The following SSX1 variants were observed in gnomAD, a reference collection of about 807,000 sequenced individuals.
SSX1 encodes SSX family member 1.
In SSX1, 58 loss-of-function variants were observed where a neutral mutation model predicts 14.6. That is an observed-to-expected ratio of 3.96 (90% CI 3.21 to 4.93). SSX1 has a LOEUF of 4.93. SSX1 is among the 30% of genes most tolerant of loss of function. SSX1 has a pLI of 0.00. For synonymous variants in SSX1, 46 were observed against 52.1 expected (o/e 0.88, Z 0.50); for missense variants, 272 against 143.1 (o/e 1.90, Z -4.60).
At chrX:48,259,625 C>T (rs1171706971) in intron 4 of SSX1, among the ~76,000 whole-genome samples, 2 of 110,794 alleles carry the variant, frequency 1.8e-5, no homozygotes, top group Non-Finnish European at 3.8e-5. Context: ...CAACAGTCCC[C>T]AGAGTGTGAT....
intron 1 of SSX1, among the ~76,000 whole-genome samples, chrX:48,256,095 C>T (rs1556934260): frequency 9.3e-6 from 1 of 107,452 alleles, no homozygotes; most frequent in Non-Finnish European, 1.9e-5. Flanking sequence ...GCTTGACCTC[C>T]TCGGCTCAAG....
At chrX:48,258,185 C>G (rs782060083) in intron 3 of SSX1, among the ~76,000 whole-genome samples, 1 of 72,936 alleles carries the variant, frequency 1.4e-5, no homozygotes, top group Non-Finnish European at 2.4e-5. Flanking sequence ...CTCTCTCTCC[C>G]TTTTTTTTTT....
intron 5 of SSX1, among the ~76,000 whole-genome samples, chrX:48,263,546 C>A (rs138798135): frequency 9.0e-6 from 1 of 111,517 alleles, no homozygotes; most frequent in African/African-American, 3.3e-5. Flanking sequence ...GCTGTTTCCA[C>A]GAATGTCAGT....
chrX:48,261,558 G>C (rs1390145907), intron 4 of SSX1, among the ~76,000 whole-genome samples: 2 of 112,206 alleles, frequency 1.8e-5, no homozygotes, highest in Admixed American at 1.9e-4. Flanking sequence ...CCCCATTTGA[G>C]AAACCATGTG....
At position 48,258,557 on chromosome X, in the gene SSX1, C is replaced by A. The variant is rs781809573; in HGVS notation, c.206C>A (p.Pro69His). Residue 69 changes from proline (P) to histidine (H), a missense_variant, in exon 4 of 8, where the codon CCT becomes CAT. Pro to His is a moderately conservative substitution (Grantham distance 77). Coordinates refer to ENST00000376919, the MANE Select transcript of SSX1 (RefSeq NM_005635.4). ...CTAGGTTTCAAAGTCACCCTCCCAC[C>A]TTTCATGTGTAATAAACAGGCCACA... is the stretch of plus-strand genomic sequence containing the variant. ...TKLGFKVTLP[P>H]FMCNKQATDF... is the part of the protein sequence containing the mutation. 2.5e-6 allele frequency: 3 copies of A among 1,208,277 alleles called. No individual in the cohort carries two copies. The highest frequency in any genetic ancestry group is 1.7e-5 in the African/African-American group (1 of 57,433).
chrX:48,265,072 A>G lies in SSX1; in HGVS notation c.466+1155A>G, dbSNP rs781882837. ...CTTGCTCTGAATTAGACTTTGGCTT[A>G]AGGGAATGTTGTGGCTGGTTTCATG... is the stretch of plus-strand genomic sequence containing the variant. On this transcript the variant is annotated intron_variant, in intron 6 of 7. Coordinates refer to ENST00000376919, the MANE Select transcript of SSX1 (RefSeq NM_005635.4). Among the ~76,000 whole-genome samples the G allele has an allele frequency of 1.2e-4, 13 of 112,387 alleles. No homozygotes were observed. In the East Asian group the frequency reaches 2.8e-3, roughly 24 times the overall value.
intron 3 of SSX1, among the ~76,000 whole-genome samples, chrX:48,258,185 CTT>C (rs1201912440): frequency 3.0e-4 from 22 of 72,939 alleles, no homozygotes; most frequent in African/African-American, 7.7e-4. Flanking sequence ...CTCTCTCTCC[CTT>C]TTTTTTTTTT....
intron 5 of SSX1, among the ~76,000 whole-genome samples, chrX:48,263,337 C>G (rs528507952): frequency 2.7e-5 from 3 of 110,689 alleles, no homozygotes; most frequent in African/African-American, 9.8e-5. Flanking sequence ...GTATTCATCT[C>G]CCCACACCAT....
chrX:48,256,466 T>G (rs530381639), intron 1 of SSX1, among the ~76,000 whole-genome samples: 5,008 of 77,573 alleles, frequency 0.065, 242 homozygotes, highest in East Asian at 0.27. Flanking sequence ...TTTTTTTTTT[T>G]TTTTTTTTTT....
rs782637859 is a variant in SSX1, at chrX:48,257,861, G to C, written c.184+1G>C. ...AACTATAAGGCCATGACTAAACTAG[G>C]TAACAGAAAGTTCTAGGAACAGACA... is the stretch of plus-strand genomic sequence containing the variant. On this transcript the variant is annotated splice_donor_variant, in intron 3 of 7. Coordinates refer to ENST00000376919, the MANE Select transcript of SSX1 (RefSeq NM_005635.4). LOFTEE classifies it high-confidence loss of function. 1.1e-5 allele frequency: 12 copies of C among 1,122,927 alleles called. No homozygotes were observed. The highest frequency in any genetic ancestry group is 2.4e-5 in the Admixed American group (1 of 42,381). The allele number at this position is 1,122,927 out of a possible 1,213,427, so 92.5% of individuals were successfully genotyped here.
At chrX:48,259,565 A>G (rs1254825205) in intron 4 of SSX1, among the ~76,000 whole-genome samples, 2 of 110,860 alleles carry the variant, frequency 1.8e-5, no homozygotes, top group African/African-American at 6.6e-5. Flanking sequence ...CTCATCATCT[A>G]GCATTAGGTA....
At chrX:48,260,858 T>C (rs72616757) in intron 4 of SSX1, among the ~76,000 whole-genome samples, 5,134 of 111,906 alleles carry the variant, frequency 0.046, 203 homozygotes, top group East Asian at 0.24. Flanking sequence ...AGCATGTAGA[T>C]ATTGGATAAA....
chrX:48,257,837 A>G lies in SSX1; in HGVS notation c.161A>G (p.Asn54Ser). 2.5e-6 allele frequency: 3 copies of G among 1,194,887 alleles called. No individual in the cohort carries two copies. The South Asian group carries it at 5.4e-5, about 22-fold the overall frequency. The change falls in exon 3 of 8, where the codon AAC (asparagine) becomes AGC (serine). Residue 54 changes from asparagine (N) to serine (S), a missense_variant. By Grantham distance (46) the Asn-to-Ser change is conservative. Coordinates refer to ENST00000376919, the MANE Select transcript of SSX1 (RefSeq NM_005635.4). ...EKISYVYMKR[N>S]YKAMTKLGFK... ...ATCAGCTATGTGTATATGAAGAGAAACTATAAGGCCATGACTAAACTAGGT... is the reference window on the plus strand; with the variant it reads ...ATCAGCTATGTGTATATGAAGAGAAGCTATAAGGCCATGACTAAACTAGGT...
rs371197574 is a variant in SSX1, at chrX:48,257,220, A to T, written c.-20-2A>T. The T allele has an allele frequency of 2.4e-4, 295 of 1,207,698 alleles. No individual in the cohort carries two copies. Among genetic ancestry groups the T allele is most frequent in the Admixed American group, 6.8e-4 (31 of 45,757 alleles). On this transcript the variant is annotated splice_acceptor_variant, in intron 1 of 7. Transcript: ENST00000376919. LOFTEE classifies it low-confidence loss of function (5UTR_SPLICE). ...GAAAGTCTCAGGCTGTTTCTCTTGCAGGTGAGACTGCTCCTGGTGCCATGA... is the reference window on the plus strand; with the variant it reads ...GAAAGTCTCAGGCTGTTTCTCTTGCTGGTGAGACTGCTCCTGGTGCCATGA...
In SSX1 at chrX:48,263,854, G is replaced by C; in HGVS notation, c.403G>C (p.Asp135His). 1 of 1,211,570 alleles carries C rather than the reference G, an allele frequency of 8.3e-7. No individual in the cohort carries two copies. Among genetic ancestry groups the C allele is most frequent in the Non-Finnish European group, 1.1e-6 (1 of 895,356 alleles). Residue 135 changes from aspartate (D) to histidine (H), a missense_variant, in exon 6 of 8, where the codon GAT becomes CAT. Asp to His is a moderately conservative substitution (Grantham distance 81). Coordinates refer to ENST00000376919, the MANE Select transcript of SSX1 (RefSeq NM_005635.4). ...GTCAGAAGCATCTGGCCCACAAAACGATGGGAAACAACTGCACCCCCCAGG... is the reference window on the plus strand; with the variant it reads ...GTCAGAAGCATCTGGCCCACAAAACCATGGGAAACAACTGCACCCCCCAGG... ...GVSEASGPQNDGKQLHPPGKA... is the reference protein window; with the variant it reads ...GVSEASGPQNHGKQLHPPGKA...
In SSX1 at chrX:48,263,364, T is replaced by C. The variant is rs189464117; in HGVS notation, c.331-418T>C. Among the ~76,000 whole-genome samples the C allele has an allele frequency of 4.6e-3, 511 of 110,991 alleles. 2 individuals are homozygous for C. The highest frequency in any genetic ancestry group is 0.016 in the African/African-American group (492 of 30,614). On this transcript the variant is annotated intron_variant, in intron 5 of 7. Transcript: ENST00000376919. The stretch of plus-strand genomic sequence containing the variant: ...CCACACCATCTTTCCCAGCAGTGTT[T>C]TGTCCCCTCCCTATGTTTTTACATT...
chrX:48,257,821 G>A lies in SSX1; in HGVS notation c.145G>A (p.Val49Met), dbSNP rs372043712. The A allele has an allele frequency of 9.1e-6, 11 of 1,203,533 alleles. No individual in the cohort carries two copies. The highest frequency in any genetic ancestry group is 1.8e-5 in the African/African-American group (1 of 56,983). The change falls in exon 3 of 8, where the codon GTG becomes ATG. Residue 49 changes from valine (V) to methionine (M), a missense_variant. By Grantham distance (21) the Val-to-Met change is conservative (BLOSUM62 1). Coordinates refer to ENST00000376919, the MANE Select transcript of SSX1 (RefSeq NM_005635.4). ...KMKYSEKISY[V>M]YMKRNYKAMT... The stretch of plus-strand genomic sequence containing the variant: ...GAAATACTCGGAGAAAATCAGCTAT[G>A]TGTATATGAAGAGAAACTATAAGGC...
At chrX:48,256,034 G>T (rs1273357939) in intron 1 of SSX1, among the ~76,000 whole-genome samples, 1 of 102,689 alleles carries the variant, frequency 9.7e-6, no homozygotes, top group Non-Finnish European at 2.0e-5. Context: ...TAGTTTTGTT[G>T]TTGTTGTTCT....
chrX:48,261,536 A>G (rs1336568152), intron 4 of SSX1, among the ~76,000 whole-genome samples: 1 of 112,444 alleles, frequency 8.9e-6, no homozygotes, highest in Non-Finnish European at 1.9e-5. Flanking sequence ...TGAGACTGTG[A>G]TGGGATTTAA....
Sources: gnomAD v4.1 joint callset for allele counts (sites outside exome capture counted in the v4.1 genomes callset) on GRCh38, gnomAD v4.1.1 for gene constraint, MANE v1.5 for transcripts, NCBI Gene and HGNC (gene_info 2026-07-23, HGNC 2026-07-21) for gene names.